CNTN4: variants seen among roughly 807,000 people sequenced by gnomAD.
CNTN4 encodes contactin 4, also known as contactin-4.
A neutral mutation model predicts 122.5 loss-of-function variants in CNTN4; 77 were observed. The ratio of observed to expected loss-of-function variants is 0.63; its 90% confidence interval spans 0.52 to 0.76. The LOEUF (loss-of-function observed/expected upper bound fraction) is 0.76. Among genes scored for constraint, CNTN4 ranks in the 30% least tolerant of loss-of-function variants. The pLI is 0.00. For missense variants in CNTN4, 1,256 were observed against 1,259.1 expected (o/e 1.00, Z 0.04); for synonymous variants, 512 against 447.0 (o/e 1.15, Z -1.83).
intron 2 of CNTN4, among the ~76,000 whole-genome samples, chr3:2,282,282 T>C (rs968946569): frequency 6.6e-6 from 1 of 152,054 alleles, no homozygotes; most frequent in African/African-American, 2.4e-5. Flanking sequence ...TAATGATTGG[T>C]TTATTTTGAT....
intron 7 of CNTN4, among the ~76,000 whole-genome samples, chr3:2,831,320 AAACT>A (rs2093100045): frequency 6.6e-6 from 1 of 152,358 alleles, no homozygotes; most frequent in African/African-American, 2.4e-5. Context: ...CAAATCAATC[AAACT>A]GATTGCAGTT....
chr3:2,910,505 A>G (rs1276267546), intron 12 of CNTN4, among the ~76,000 whole-genome samples: 1 of 152,146 alleles, frequency 6.6e-6, no homozygotes, highest in East Asian at 1.9e-4. Context: ...AAAGAGGCAA[A>G]GTTTTTCATC....
chr3:2,880,653 T>C (rs149337847), intron 8 of CNTN4, among the ~76,000 whole-genome samples: 1 of 152,296 alleles, frequency 6.6e-6, no homozygotes, highest in East Asian at 1.9e-4. Context: ...GGAGGAATAA[T>C]TTTGTAACCG....
intron 4 of CNTN4, among the ~76,000 whole-genome samples, chr3:2,675,407 T>G (rs1175490041): frequency 6.6e-6 from 1 of 152,190 alleles, no homozygotes; most frequent in African/African-American, 2.4e-5. Context: ...AATGCCACTT[T>G]CTCAGCAAGG....
At chr3:2,683,350 ACACG>A (rs1198219247) in intron 4 of CNTN4, among the ~76,000 whole-genome samples, 6 of 145,400 alleles carry the variant, frequency 4.1e-5, no homozygotes, top group African/African-American at 1.6e-4. Context: ...ACACACACAC[ACACG>A]CAGGTGGATA....
intron 2 of CNTN4, among the ~76,000 whole-genome samples, chr3:2,224,078 A>G (rs531240751): frequency 7.9e-5 from 12 of 152,164 alleles, no homozygotes; most frequent in African/African-American, 2.9e-4. Context: ...TCATATAGAT[A>G]TTTTTTACTA....
chr3:2,785,842 T>C (rs1209486374), intron 6 of CNTN4, among the ~76,000 whole-genome samples: 4 of 150,662 alleles, frequency 2.7e-5, no homozygotes, highest in African/African-American at 4.9e-5. Context: ...GAACATGCCT[T>C]CCTGTTTTCC....
At chr3:2,677,449 T>C (rs1171178923) in intron 4 of CNTN4, among the ~76,000 whole-genome samples, 1 of 62,236 alleles carries the variant, frequency 1.6e-5, no homozygotes, top group Non-Finnish European at 3.2e-5. Context: ...TACATAGATA[T>C]AGAGATCTAT....
In CNTN4 at chr3:2,265,746, A is replaced by T. The variant is rs551446898; in HGVS notation, c.-144-73432A>T. Among the ~76,000 whole-genome samples, 13 of 137,400 alleles carry T rather than the reference A, an allele frequency of 9.5e-5. No homozygotes were observed. In the South Asian group the frequency reaches 1.6e-3, roughly 17 times the overall value. The allele number at this position is 137,400 out of a possible 152,430, so 90.1% of individuals were successfully genotyped here. On this transcript the variant is annotated intron_variant, in intron 2 of 24. Coordinates refer to ENST00000418658, the MANE Select transcript of CNTN4 (RefSeq NM_175607.3). Reference sequence around the variant, plus strand: ...AATGTTCTTTTCCATTTCCTTCATCAGTGTTTTATATATATATATTTTTTT... The same window carrying T: ...AATGTTCTTTTCCATTTCCTTCATCTGTGTTTTATATATATATATTTTTTT...
At chr3:3,016,312 C>T (rs3907593) in intron 14 of CNTN4, among the ~76,000 whole-genome samples, 90,387 of 151,962 alleles carry the variant, frequency 0.59, 27,608 homozygotes, top group Middle Eastern at 0.7. Flanking sequence ...TTAACATATA[C>T]CCCCCTTCCC....
intron 3 of CNTN4, among the ~76,000 whole-genome samples, chr3:2,566,631 A>G (rs573378280): frequency 1.3e-5 from 2 of 151,250 alleles, no homozygotes; most frequent in East Asian, 3.9e-4. Context: ...TTTGAATCCA[A>G]GTTTAAATAA....
chr3:2,581,804 A>G (rs2079952441), intron 4 of CNTN4, among the ~76,000 whole-genome samples: 1 of 152,244 alleles, frequency 6.6e-6, no homozygotes, highest in Non-Finnish European at 1.5e-5. Context: ...ATACAGTGGA[A>G]TATTATTCAG....
At position 2,917,176 on chromosome 3, in the gene CNTN4, C is replaced by G. The variant is rs958928581; in HGVS notation, c.1208-8453C>G. On this transcript the variant is annotated intron_variant, in intron 12 of 24. Transcript: ENST00000418658. Reference sequence around the variant, plus strand: ...ACCAGTCAGGCGTGGCGGCGCGCGCCTGCAATCGCAGGCAGTCGGCAGGCT... The same window carrying G: ...ACCAGTCAGGCGTGGCGGCGCGCGCGTGCAATCGCAGGCAGTCGGCAGGCT... 1.0e-4 allele frequency among the ~76,000 whole-genome samples: 15 copies of G among 150,208 alleles called. 1 individual carries two copies. Among genetic ancestry groups the G allele is most frequent in the Non-Finnish European group, 2.1e-4 (14 of 67,798 alleles).
intron 8 of CNTN4, among the ~76,000 whole-genome samples, chr3:2,867,919 T>C (rs565460329): frequency 3.3e-5 from 5 of 152,282 alleles, no homozygotes; most frequent in African/African-American, 1.2e-4. Flanking sequence ...TCGCAACTGG[T>C]ACATCGAAGA....
At chr3:2,600,447 G>A (rs560779052) in intron 4 of CNTN4, among the ~76,000 whole-genome samples, 132 of 152,104 alleles carry the variant, frequency 8.7e-4, no homozygotes, top group African/African-American at 3.1e-3. Flanking sequence ...GAGAACATGC[G>A]GTGTTTGGTT....
intron 10 of CNTN4, among the ~76,000 whole-genome samples, chr3:2,896,874 G>A (rs969146386): frequency 4.7e-5 from 7 of 150,356 alleles, no homozygotes; most frequent in African/African-American, 1.7e-4. Flanking sequence ...AATTGTGTCC[G>A]CAACCAGAAA....
chr3:2,958,957 A>G (rs1244065961), intron 13 of CNTN4, among the ~76,000 whole-genome samples: 3 of 152,194 alleles, frequency 2.0e-5, no homozygotes, highest in Non-Finnish European at 4.4e-5. Context: ...CTTGTTTGAC[A>G]AAAACCGTGC....
intron 13 of CNTN4, among the ~76,000 whole-genome samples, chr3:2,942,289 T>G (rs2094623883): frequency 6.6e-6 from 1 of 152,156 alleles, no homozygotes; most frequent in Non-Finnish European, 1.5e-5. Flanking sequence ...GAATTGTCAG[T>G]AGAAAAATAA....
chr3:2,776,300 A>T (rs2091315102), intron 6 of CNTN4, among the ~76,000 whole-genome samples: 2 of 149,332 alleles, frequency 1.3e-5, no homozygotes, highest in African/African-American at 2.5e-5. Context: ...TTTTGGAAAG[A>T]ATATAAGTGT....
Sources: allele counts gnomAD v4.1 joint callset (sites outside exome capture counted in the v4.1 genomes callset), GRCh38; gene constraint gnomAD v4.1.1; transcripts MANE v1.5; gene names NCBI Gene and HGNC (gene_info 2026-07-23, HGNC 2026-07-21).